MYRIP: variants seen among roughly 807,000 people sequenced by gnomAD.
MYRIP encodes the protein myosin VIIA and Rab interacting protein.
MYRIP carries 49 observed loss-of-function variants against 98.0 expected under a neutral mutation model. That is an observed-to-expected ratio of 0.50 (90% CI 0.40 to 0.63). The LOEUF (loss-of-function observed/expected upper bound fraction) is 0.63. MYRIP is among the 30% of genes least tolerant of loss of function. The pLI, the probability that MYRIP is intolerant of heterozygous loss-of-function variation, is 0.00. For missense variants in MYRIP, 1,004 were observed against 1,058.2 expected (o/e 0.95, Z 0.71); for synonymous variants, 404 against 409.5 (o/e 0.99, Z 0.16).
At chr3:40,253,194 T>G (rs1341633264) in intron 16 of MYRIP, among the ~76,000 whole-genome samples, 1 of 152,250 alleles carries the variant, frequency 6.6e-6, no homozygotes, top group Non-Finnish European at 1.5e-5. Flanking sequence ...TTACAAAAAG[T>G]AAAAGGAATT....
chr3:40,067,400 T>C (rs77089061), intron 3 of MYRIP, among the ~76,000 whole-genome samples: 11,938 of 152,196 alleles, frequency 0.078, 555 homozygotes, highest in East Asian at 0.22. Context: ...AAATATCTTT[T>C]CTGAGAGTAT....
intron 4 of MYRIP, among the ~76,000 whole-genome samples, chr3:40,153,645 A>T (rs1410744014): frequency 6.6e-6 from 1 of 152,234 alleles, no homozygotes; most frequent in Non-Finnish European, 1.5e-5. Context: ...CAAGGTCCTC[A>T]GCTAGAACTC....
At chr3:40,172,275 G>C (rs1950635039) in intron 8 of MYRIP, among the ~76,000 whole-genome samples, 1 of 152,194 alleles carries the variant, frequency 6.6e-6, no homozygotes, top group Non-Finnish European at 1.5e-5. Flanking sequence ...AGAGGGGAGG[G>C]AGTGCTGGGG....
rs1232658235 is a variant in MYRIP, at chr3:40,209,975, A to G, written c.1787A>G (p.Glu596Gly). The change falls in exon 11 of 17, where the codon GAA (glutamate) becomes GGA (glycine). Residue 596 changes from glutamate to glycine, a missense_variant. Glu to Gly is a moderately conservative substitution (Grantham distance 98). This residue lies in a region of MYRIP where 880 missense variants were observed against 907.7 expected (regional missense o/e 0.97). Coordinates refer to ENST00000302541, the MANE Select transcript of MYRIP (RefSeq NM_015460.4). Reference sequence around the variant, plus strand: ...TACGAGTTAGCAATGAAAATGAGTGAAAAGGAGACTTCTTCAGGGGAGGAT... The same window carrying G: ...TACGAGTTAGCAATGAAAATGAGTGGAAAGGAGACTTCTTCAGGGGAGGAT... ...RLYELAMKMS[E>G]KETSSGEDQE... 6.2e-7 allele frequency: 1 copy of G among 1,614,120 alleles called. No individual in the cohort carries two copies. Among genetic ancestry groups the G allele is most frequent in the South Asian group, 1.1e-5 (1 of 91,086 alleles).
At chr3:40,011,416 G>A (rs369407886) in intron 2 of MYRIP, among the ~76,000 whole-genome samples, 45 of 152,180 alleles carry the variant, frequency 3.0e-4, no homozygotes, top group African/African-American at 1.1e-3. Context: ...CGTTAATCAT[G>A]GTTTGGGCGT....
At position 39,997,817 on chromosome 3, in the gene MYRIP, G is replaced by A. The variant is rs9836247; in HGVS notation, c.111-46233G>A. Among the ~76,000 whole-genome samples the A allele has an allele frequency of 7.1e-3, 1,086 of 152,140 alleles. 13 individuals carry two copies. The highest frequency in any genetic ancestry group is 0.025 in the African/African-American group (1,024 of 41,516). Reference sequence around the variant, plus strand: ...ACTGGCAAACGAAATCCAGCAGCACGTCAAAAAGCTTATCCACCGTGATCA... The same window carrying A: ...ACTGGCAAACGAAATCCAGCAGCACATCAAAAAGCTTATCCACCGTGATCA... On this transcript the variant is annotated intron_variant, in intron 2 of 16. Coordinates refer to ENST00000302541, the MANE Select transcript of MYRIP (RefSeq NM_015460.4).
Position 39,936,855 on chromosome 3 carries a change from A to G in MYRIP, c.110+35929A>G, listed in dbSNP as rs78955985. On this transcript the variant is annotated intron_variant, in intron 2 of 16. Coordinates refer to ENST00000302541, the MANE Select transcript of MYRIP (RefSeq NM_015460.4). ...CACTGAAGCCAAGTTGTCATTCTCC[A>G]GGTCCCTAAATCTGTCCTCATCTGT... Among the ~76,000 whole-genome samples, 1,418 of 152,068 alleles carry G rather than the reference A, an allele frequency of 9.3e-3. 16 individuals are homozygous for G. Among genetic ancestry groups the G allele is most frequent in the African/African-American group, 0.032 (1,347 of 41,510 alleles).
At chr3:40,243,713 G>A (rs1953097754) in intron 12 of MYRIP, among the ~76,000 whole-genome samples, 1 of 152,138 alleles carries the variant, frequency 6.6e-6, no homozygotes, top group Non-Finnish European at 1.5e-5. Flanking sequence ...CCCTTAGTCT[G>A]AATTATTTCA....
rs754427665 is a variant in MYRIP, at chr3:40,182,360, G to A, written c.1014G>A (p.Arg338=). The stretch of plus-strand genomic sequence containing the variant: ...TGCCCAGCTGGAAGAGTGTGGACAG[G>A]CTGGATGAAACAAGTAACTGTTTTA... The part of the protein sequence containing the change: ...SALPSWKSVD[R]LDETNLAPVL... The change falls in exon 9 of 17, where the codon AGG becomes AGA. Residue 338 remains arginine, a synonymous_variant. Transcript: ENST00000302541. 3 of 1,612,566 alleles carry A rather than the reference G, an allele frequency of 1.9e-6. No homozygotes were observed.
intron 2 of MYRIP, among the ~76,000 whole-genome samples, chr3:39,985,659 C>A (rs1946014260): frequency 1.4e-5 from 2 of 147,248 alleles, no homozygotes; most frequent in South Asian, 4.4e-4. Flanking sequence ...CGCTGCATAT[C>A]TACAACTATC....
intron 10 of MYRIP, among the ~76,000 whole-genome samples, chr3:40,207,880 T>C (rs2125662081): frequency 6.6e-6 from 1 of 152,318 alleles, no homozygotes; most frequent in Non-Finnish European, 1.5e-5. Flanking sequence ...ATTGTTAGAA[T>C]CTAGAGACCT....
chr3:39,879,207 C>T (rs1243845115), intron 1 of MYRIP, among the ~76,000 whole-genome samples: 1 of 151,370 alleles, frequency 6.6e-6, no homozygotes, highest in Non-Finnish European at 1.5e-5. Context: ...CAGTTGTTAT[C>T]CTTTCTTATT....
intron 3 of MYRIP, among the ~76,000 whole-genome samples, chr3:40,113,688 GTTTGTTTT>G (rs1307730759): frequency 3.3e-5 from 5 of 151,974 alleles, no homozygotes; most frequent in East Asian, 1.9e-4. Context: ...TTACTTTTTT[GTTTGTTTT>G]TTTGTTTTTT....
rs552963440 is a variant in MYRIP at position 40,120,113 on chromosome 3, A to G, written c.333-30935A>G. ...ATTCAGCAAGTGGCAGATCTTATTA[A>G]TTAATTACACTGCAACCCAACAACT... On this transcript the variant is annotated intron_variant, in intron 3 of 16. Transcript: ENST00000302541. Among the ~76,000 whole-genome samples, 4 of 152,288 alleles carry G rather than the reference A, an allele frequency of 2.6e-5. No individual in the cohort carries two copies. The East Asian group carries it at 7.7e-4, about 29-fold the overall frequency.
chr3:39,818,499 A>G (rs1054795047), intron 1 of MYRIP, among the ~76,000 whole-genome samples: 7 of 152,140 alleles, frequency 4.6e-5, no homozygotes, highest in Non-Finnish European at 1.0e-4. Flanking sequence ...GCATTCTGTA[A>G]CTTGCATTTA....
chr3:40,046,732 G>A (rs754083223), intron 3 of MYRIP, among the ~76,000 whole-genome samples: 6 of 151,788 alleles, frequency 4.0e-5, no homozygotes, highest in South Asian at 2.1e-4. Flanking sequence ...AAGAATTGGC[G>A]TTTGATCTTT....
intron 4 of MYRIP, among the ~76,000 whole-genome samples, chr3:40,160,895 C>T (rs1038185818): frequency 1.3e-5 from 2 of 152,156 alleles, no homozygotes; most frequent in Admixed American, 1.3e-4. Flanking sequence ...GACCTGTGCC[C>T]ACTGTCTGGC....
At chr3:40,106,233 A>G (rs2125896970) in intron 3 of MYRIP, among the ~76,000 whole-genome samples, 1 of 152,298 alleles carries the variant, frequency 6.6e-6, no homozygotes, top group South Asian at 2.1e-4. Context: ...CAGGCCCCCG[A>G]GACCAGTCTC....
At chr3:40,070,575 C>T (rs985383641) in intron 3 of MYRIP, among the ~76,000 whole-genome samples, 3 of 152,136 alleles carry the variant, frequency 2.0e-5, no homozygotes, top group Non-Finnish European at 4.4e-5. Flanking sequence ...TAGGAACCAG[C>T]CTGGTTCCTA....
Sources: gnomAD v4.1 joint callset for allele counts (sites outside exome capture counted in the v4.1 genomes callset) on GRCh38, gnomAD v4.1.1 for gene constraint, gnomAD v4.1.1 regional missense constraint, MANE v1.5 for transcripts, NCBI Gene and HGNC (gene_info 2026-07-23, HGNC 2026-07-21) for gene names.